Variants in HEBP2 observed in about 807,000 individuals in gnomAD.
HEBP2 encodes the protein heme binding protein 2, also known as heme-binding protein 2.
In HEBP2, 27 loss-of-function variants were observed where a neutral mutation model predicts 23.1. The observed-to-expected ratio is 1.17, with a 90% CI of 0.86 to 1.61. The LOEUF (loss-of-function observed/expected upper bound fraction) is 1.61, where lower values mean the gene tolerates loss of function less well. HEBP2 is among the 40% of genes most tolerant of loss of function. HEBP2 has a pLI of 0.00. For missense variants in HEBP2, 245 were observed against 253.8 expected, an observed-to-expected ratio of 0.97 and a Z score of 0.24; for synonymous variants, 99 against 95.1, an observed-to-expected ratio of 1.04 and a Z score of -0.24.
Position 138,413,336 on chromosome 6 carries a change from T to C in HEBP2, c.*258T>C. 2.7e-6 allele frequency: 1 copy of C among 363,660 alleles called. No homozygotes were observed. The highest frequency in any genetic ancestry group is 4.4e-5 in the South Asian group (1 of 22,914). The allele number at this position is 363,660 out of a possible 1,614,324, so 22.5% of individuals were successfully genotyped here. ...TCTGTGAGGATCTAGGGAAATTTCA[T>C]GTCACTTCCCTCCTTCACTGCATCA... On this transcript the variant is annotated 3_prime_UTR_variant, in exon 4 of 4. Coordinates refer to ENST00000607197, the MANE Select transcript of HEBP2 (RefSeq NM_014320.3).
At chr6:138,409,123 C>T (rs1471161367) in intron 3 of HEBP2, among the ~76,000 whole-genome samples, 1 of 151,980 alleles carries the variant, frequency 6.6e-6, no homozygotes, top group Non-Finnish European at 1.5e-5. Flanking sequence ...AACATCTGGG[C>T]TCAAGGGATC....
chr6:138,406,088 C>T lies in HEBP2; in HGVS notation c.356C>T (p.Pro119Leu), dbSNP rs190770724. ...LYIPSEQQFD[P>L]PRPLESDVFI... Reference sequence around the variant, plus strand: ...ATTCCCTCTGAACAGCAATTTGATCCACCCAGGCCTTTAGAGTCAGATGTC... The same window carrying T: ...ATTCCCTCTGAACAGCAATTTGATCTACCCAGGCCTTTAGAGTCAGATGTC... Residue 119 changes from proline (P) to leucine (L), a missense_variant, in exon 3 of 4, where the codon CCA becomes CTA. Coordinates refer to ENST00000607197, the MANE Select transcript of HEBP2 (RefSeq NM_014320.3). The T allele has an allele frequency of 1.2e-6, 2 of 1,614,102 alleles. No homozygotes were observed. Among genetic ancestry groups the T allele is most frequent in the African/African-American group, 2.7e-5 (2 of 75,028 alleles).
rs1774851418 is a variant in HEBP2 at position 138,417,038 on chromosome 6, A to AT, written c.*3961dup. ...GTGGCTCTACCCTGGGGAAAGAGGA[A>AT]TACCTGGATACGTCAGGGTCCAAGT... On this transcript the variant is annotated 3_prime_UTR_variant, in exon 4 of 4. Transcript: ENST00000607197. The AT allele has an allele frequency of 6.6e-6, 1 of 152,182 alleles. No individual in the cohort carries two copies. The highest frequency in any genetic ancestry group is 1.5e-5 in the Non-Finnish European group (1 of 68,042). The allele number at this position is 152,182 out of a possible 1,614,324, so 9.4% of individuals were successfully genotyped here.
Position 138,404,241 on chromosome 6 carries a change from G to T in HEBP2, c.-255G>T. On this transcript the variant is annotated 5_prime_UTR_variant, in exon 1 of 4. Transcript: ENST00000607197. ...TGCGGCTCCCTGTCGCCGCGGAGGG[G>T]CGGGGGCAGGACGCGCAACTCCGGC... 1 of 316,868 alleles carries T rather than the reference G, an allele frequency of 3.2e-6. No homozygotes were observed. The highest frequency in any genetic ancestry group is 2.2e-5 in the African/African-American group (1 of 46,058). The allele number at this position is 316,868 out of a possible 1,614,324, so 19.6% of individuals were successfully genotyped here.
intron 3 of HEBP2, among the ~76,000 whole-genome samples, chr6:138,407,632 C>T (rs1774672328): frequency 6.6e-6 from 1 of 152,254 alleles, no homozygotes; most frequent in African/African-American, 2.4e-5. Flanking sequence ...GTGCCCGGCT[C>T]CCATGGCTCT....
chr6:138,410,479 C>CTTTTTT (rs59336303), intron 3 of HEBP2, among the ~76,000 whole-genome samples: 2 of 134,896 alleles, frequency 1.5e-5, no homozygotes, highest in Non-Finnish European at 1.6e-5. Context: ...ATGTTTCTTT[C>CTTTTTT]TTTTTTTTTT....
rs750032771 is a variant in HEBP2 at position 138,421,073 on chromosome 6, C to G, written c.*7995C>G. On this transcript the variant is annotated 3_prime_UTR_variant, in exon 4 of 4. Coordinates refer to ENST00000607197, the MANE Select transcript of HEBP2 (RefSeq NM_014320.3). ...GGTCAGAGCAGGCAACTGAGAGAAA[C>G]TGTATTACAGTTACCGAGTGGCTTA... 3 of 152,206 alleles carry G rather than the reference C, an allele frequency of 2.0e-5. No homozygotes were observed. The highest frequency in any genetic ancestry group is 4.4e-5 in the Non-Finnish European group (3 of 68,052). The allele number at this position is 152,206 out of a possible 1,614,324, so 9.4% of individuals were successfully genotyped here. A position where few individuals can be genotyped will look rare whatever the true frequency, so the allele number is the denominator to read the frequency against.
intron 3 of HEBP2, 115 bp downstream of exon 3, chr6:138,406,266 T>G: frequency 1.1e-6 from 1 of 903,956 alleles, no homozygotes; most frequent in East Asian, 2.4e-5. Context: ...AAATCAGGTC[T>G]AATGCATTTT....
rs1008080639 is a variant in HEBP2 at position 138,421,167 on chromosome 6, C to T, written c.*8089C>T. On this transcript the variant is annotated 3_prime_UTR_variant, in exon 4 of 4. Coordinates refer to ENST00000607197, the MANE Select transcript of HEBP2 (RefSeq NM_014320.3). ...TGACCCTCCATTCCCCCAACAACATCCTCACATCTGCCAAAGCAAATTATG... is the reference window on the plus strand; with the variant it reads ...TGACCCTCCATTCCCCCAACAACATTCTCACATCTGCCAAAGCAAATTATG... The T allele has an allele frequency of 6.6e-6, 1 of 152,188 alleles. No individual in the cohort carries two copies. The highest frequency in any genetic ancestry group is 2.4e-5 in the African/African-American group (1 of 41,426). 9.4% of individuals were successfully genotyped at this position (152,188 alleles called of 1,614,324 possible). A position where few individuals can be genotyped will look rare whatever the true frequency, so the allele number is the denominator to read the frequency against.
At chr6:138,408,463 C>T (rs1331149519) in intron 3 of HEBP2, among the ~76,000 whole-genome samples, 1 of 152,174 alleles carries the variant, frequency 6.6e-6, no homozygotes, top group Non-Finnish European at 1.5e-5. Flanking sequence ...CAAGTTCCAA[C>T]AAATGTTCCT....
In HEBP2 at chr6:138,404,374, A is replaced by G; in HGVS notation, c.-122A>G. The G allele has an allele frequency of 1.8e-6, 1 of 563,600 alleles. No homozygotes were observed. Among genetic ancestry groups the G allele is most frequent in the Non-Finnish European group, 2.6e-6 (1 of 390,654 alleles). The allele number at this position is 563,600 out of a possible 1,614,324, so 34.9% of individuals were successfully genotyped here. Reference sequence around the variant, plus strand: ...TCGGGTCTCCAGCCCGGCCGGGAGGAGGGACCGGGTCTGCGGAGCGGGGAC... The same window carrying G: ...TCGGGTCTCCAGCCCGGCCGGGAGGGGGGACCGGGTCTGCGGAGCGGGGAC... On this transcript the variant is annotated 5_prime_UTR_variant, in exon 1 of 4. Coordinates refer to ENST00000607197, the MANE Select transcript of HEBP2 (RefSeq NM_014320.3).
At chr6:138,407,184 CT>C (rs780359256) in intron 3 of HEBP2, among the ~76,000 whole-genome samples, 68 of 152,244 alleles carry the variant, frequency 4.5e-4, no homozygotes, top group South Asian at 8.3e-4. Flanking sequence ...CAGCAAAAGC[CT>C]AAATTCATCT....
rs1774593521 is a variant in HEBP2 at position 138,404,343 on chromosome 6, G to C, written c.-153G>C. On this transcript the variant is annotated 5_prime_UTR_variant, in exon 1 of 4. Coordinates refer to ENST00000607197, the MANE Select transcript of HEBP2 (RefSeq NM_014320.3). ...CGCGGTCCAGAGGCAGACGCATCGG[G>C]TGGGCTCGGGTCTCCAGCCCGGCCG... is the stretch of plus-strand genomic sequence containing the variant. 2 of 407,386 alleles carry C rather than the reference G, an allele frequency of 4.9e-6. No individual in the cohort carries two copies. Among genetic ancestry groups the C allele is most frequent in the Non-Finnish European group, 8.0e-6 (2 of 248,632 alleles). The allele number at this position is 407,386 out of a possible 1,614,324, so 25.2% of individuals were successfully genotyped here. A position where few individuals can be genotyped will look rare whatever the true frequency, so the allele number is the denominator to read the frequency against.
At chr6:138,408,304 G>A (rs2114767272) in intron 3 of HEBP2, among the ~76,000 whole-genome samples, 1 of 152,306 alleles carries the variant, frequency 6.6e-6, no homozygotes, top group African/African-American at 2.4e-5. Flanking sequence ...ACTATCAAGA[G>A]AAGCGAAGCC....
At position 138,404,550 on chromosome 6, in the gene HEBP2, G is replaced by C. The variant is rs745361535; in HGVS notation, c.55G>C (p.Ala19Pro). The C allele has an allele frequency of 2.3e-6, 3 of 1,309,340 alleles. No homozygotes were observed. Among genetic ancestry groups the C allele is most frequent in the Non-Finnish European group, 2.9e-6 (3 of 1,028,752 alleles). The allele number at this position is 1,309,340 out of a possible 1,614,324, so 81.1% of individuals were successfully genotyped here. The change falls in exon 1 of 4, where the codon GCT becomes CCT. Residue 19 changes from alanine (A) to proline (P), a missense_variant. By Grantham distance (27) the Ala-to-Pro change is conservative. Coordinates refer to ENST00000607197, the MANE Select transcript of HEBP2 (RefSeq NM_014320.3). ...PGAAEDAAAQAVETPGWKAPE... is the reference protein window; with the variant it reads ...PGAAEDAAAQPVETPGWKAPE... ...GGCGGCCGAGGACGCGGCGGCCCAA[G>C]CTGTGGAGACGCCGGGCTGGAAGGC...
upstream of HEBP2, chr6:138,404,120 C>T (rs1774586342): frequency 4.5e-6 from 1 of 220,822 alleles, no homozygotes; most frequent in Non-Finnish European, 8.8e-6. Context: ...GCGCCACCCC[C>T]TACTGCCCGC....
At chr6:138,406,488 C>T (rs1774647960) in intron 3 of HEBP2, among the ~76,000 whole-genome samples, 1 of 152,110 alleles carries the variant, frequency 6.6e-6, no homozygotes, top group African/African-American at 2.4e-5. Context: ...TAACAAAATA[C>T]CGTAGGCTGG....
In HEBP2 at chr6:138,414,393, A is replaced by G. The variant is rs923070474; in HGVS notation, c.*1315A>G. On this transcript the variant is annotated 3_prime_UTR_variant, in exon 4 of 4. Coordinates refer to ENST00000607197, the MANE Select transcript of HEBP2 (RefSeq NM_014320.3). Reference sequence around the variant, plus strand: ...CAGAGTGAGGCCGCTGCTGATTAGCATGATTTAGAAGCCTAGTTTGGAGGT... The same window carrying G: ...CAGAGTGAGGCCGCTGCTGATTAGCGTGATTTAGAAGCCTAGTTTGGAGGT... 2 of 152,212 alleles carry G rather than the reference A, an allele frequency of 1.3e-5. No individual in the cohort carries two copies. The highest frequency in any genetic ancestry group is 1.5e-5 in the Non-Finnish European group (1 of 68,042). 9.4% of individuals were successfully genotyped at this position (152,212 alleles called of 1,614,324 possible).
chr6:138,417,707 G>C lies in HEBP2; in HGVS notation c.*4629G>C, dbSNP rs7759712. ...AGAGGAGAGGAGGCAGCAGCACACA[G>C]ACAGAGAGTGCTGTAGATCTGCAGT... On this transcript the variant is annotated 3_prime_UTR_variant, in exon 4 of 4. Coordinates refer to ENST00000607197, the MANE Select transcript of HEBP2 (RefSeq NM_014320.3). 0.03 allele frequency: 4,516 copies of C among 152,558 alleles called. 210 individuals carry two copies. The highest frequency in any genetic ancestry group is 0.097 in the African/African-American group (4,041 of 41,538). 9.5% of individuals were successfully genotyped at this position (152,558 alleles called of 1,614,324 possible).
Sources: gnomAD v4.1 joint callset for allele counts (sites outside exome capture counted in the v4.1 genomes callset) on GRCh38, gnomAD v4.1.1 for gene constraint, MANE v1.5 for transcripts, NCBI Gene and HGNC (gene_info 2026-07-23, HGNC 2026-07-21) for gene names.